The following HS6ST3 variants were observed in gnomAD, a reference collection of about 807,000 sequenced individuals.
HS6ST3 encodes heparan-sulfate 6-O-sulfotransferase 3.
A neutral mutation model predicts 36.7 loss-of-function variants in HS6ST3; 12 were observed. The ratio of observed to expected loss-of-function variants is 0.33; its 90% CI spans 0.21 to 0.53. The LOEUF (loss-of-function observed/expected upper bound fraction) is 0.53, where lower values mean the gene tolerates loss of function less well. Among genes scored for constraint, HS6ST3 ranks in the 20% least tolerant of loss-of-function variants. The pLI is 0.95. For synonymous variants in HS6ST3, 240 were observed against 257.5 expected, an observed-to-expected ratio of 0.93 and a Z score of 0.65; for missense variants, 584 against 640.9, an observed-to-expected ratio of 0.91 and a Z score of 0.96.
intron 1 of HS6ST3, among the ~76,000 whole-genome samples, chr13:96,401,794 G>A (rs958891029): frequency 4.6e-5 from 7 of 152,156 alleles, no homozygotes; most frequent in Middle Eastern, 3.4e-3. Flanking sequence ...GGCTGGTCTC[G>A]AACTCCTGAT....
intron 1 of HS6ST3, among the ~76,000 whole-genome samples, chr13:96,584,369 C>A (rs1157600404): frequency 7.2e-5 from 11 of 152,144 alleles, no homozygotes; most frequent in Non-Finnish European, 1.6e-4. Flanking sequence ...GTCTTGAACT[C>A]CTGATCTCAA....
intron 1 of HS6ST3, among the ~76,000 whole-genome samples, chr13:96,646,138 G>A (rs1052434595): frequency 1.3e-5 from 2 of 151,902 alleles, no homozygotes; most frequent in Non-Finnish European, 2.9e-5. Flanking sequence ...AAATAATGTC[G>A]CCATGTTATG....
intron 1 of HS6ST3, among the ~76,000 whole-genome samples, chr13:96,649,622 G>C (rs1028874681): frequency 6.6e-6 from 1 of 151,992 alleles, no homozygotes; most frequent in Non-Finnish European, 1.5e-5. Context: ...ACTTGATTCT[G>C]TCCACTTCCT....
chr13:96,223,658 G>T (rs982075739), intron 1 of HS6ST3, among the ~76,000 whole-genome samples: 11 of 152,090 alleles, frequency 7.2e-5, no homozygotes, highest in African/African-American at 2.4e-4. Flanking sequence ...GGATATGGGG[G>T]GGGGGAAGTT....
chr13:96,517,311 T>A (rs988745094), intron 1 of HS6ST3, among the ~76,000 whole-genome samples: 10 of 151,910 alleles, frequency 6.6e-5, no homozygotes, highest in African/African-American at 2.4e-4. Context: ...ATCTGGAAGG[T>A]TGAGGCTGCA....
intron 1 of HS6ST3, among the ~76,000 whole-genome samples, chr13:96,182,150 G>T (rs6492836): frequency 0.78 from 118,351 of 152,160 alleles, 46,248 homozygotes; most frequent in Non-Finnish European, 0.81. Flanking sequence ...GACTAGACCA[G>T]GCTGTTCATA....
chr13:96,255,611 A>AT (rs1481952689), intron 1 of HS6ST3, among the ~76,000 whole-genome samples: 2 of 152,108 alleles, frequency 1.3e-5, no homozygotes, highest in Non-Finnish European at 2.9e-5. Context: ...TCTGGTTGTG[A>AT]TTTTTTAGGA....
chr13:96,446,927 C>T lies in HS6ST3; in HGVS notation c.707+355358C>T, dbSNP rs1241549091. On this transcript the variant is annotated intron_variant, in intron 1 of 1. Coordinates refer to ENST00000376705, the MANE Select transcript of HS6ST3 (RefSeq NM_153456.4). ...CATTCTCTGGCCAGAAACCAGGAAG[C>T]GCACTCATTTCCACACCTCTTTTTC... Among the ~76,000 whole-genome samples the T allele has an allele frequency of 3.9e-5, 6 of 152,156 alleles. No individual in the cohort carries two copies. In the South Asian group the frequency reaches 1.0e-3, roughly 26 times the overall value.
At chr13:96,386,717 T>A (rs536148901) in intron 1 of HS6ST3, among the ~76,000 whole-genome samples, 1 of 151,968 alleles carries the variant, frequency 6.6e-6, no homozygotes, top group East Asian at 1.9e-4. Flanking sequence ...ATACAAAAAA[T>A]TAGCTGGGTG....
At chr13:96,404,120 A>G (rs1246122265) in intron 1 of HS6ST3, among the ~76,000 whole-genome samples, 1 of 152,222 alleles carries the variant, frequency 6.6e-6, no homozygotes, top group Non-Finnish European at 1.5e-5. Context: ...TAAAACATTT[A>G]TAAAAGTCCA....
intron 1 of HS6ST3, among the ~76,000 whole-genome samples, chr13:96,818,794 T>C (rs1350785645): frequency 1.3e-5 from 2 of 152,236 alleles, no homozygotes; most frequent in African/African-American, 4.8e-5. Flanking sequence ...ACTATCCTTC[T>C]TGGTCTTTTC....
At chr13:96,332,147 T>A (rs984832670) in intron 1 of HS6ST3, among the ~76,000 whole-genome samples, 2 of 152,312 alleles carry the variant, frequency 1.3e-5, no homozygotes, top group African/African-American at 4.8e-5. Context: ...GTCTTCTGTG[T>A]CGCTCGTGCT....
intron 1 of HS6ST3, among the ~76,000 whole-genome samples, chr13:96,769,775 C>T (rs552922637): frequency 0.078 from 10,213 of 130,134 alleles, 419 homozygotes; most frequent in Non-Finnish European, 0.11. Flanking sequence ...TGTGTGTGTG[C>T]GCACATATGT....
intron 1 of HS6ST3, among the ~76,000 whole-genome samples, chr13:96,488,071 T>C (rs983537364): frequency 5.3e-5 from 8 of 152,150 alleles, no homozygotes; most frequent in South Asian, 2.1e-4. Context: ...ATGTTTTTCT[T>C]TGCAAAATGT....
chr13:96,506,512 A>G (rs550995884), intron 1 of HS6ST3, among the ~76,000 whole-genome samples: 31 of 152,188 alleles, frequency 2.0e-4, no homozygotes, highest in Non-Finnish European at 3.2e-4. Flanking sequence ...TCTCTTAAAT[A>G]GGATAGGAAA....
intron 1 of HS6ST3, among the ~76,000 whole-genome samples, chr13:96,767,333 C>T (rs1877143345): frequency 1.3e-5 from 2 of 152,316 alleles, no homozygotes; most frequent in Non-Finnish European, 2.9e-5. Flanking sequence ...CCCACATATA[C>T]ACATGCACCC....
Position 96,215,327 on chromosome 13 carries a change from C to T in HS6ST3, c.707+123758C>T, listed in dbSNP as rs1032055427. 2.0e-5 allele frequency among the ~76,000 whole-genome samples: 3 copies of T among 152,128 alleles called. No individual in the cohort carries two copies. In the East Asian group the frequency reaches 5.8e-4, roughly 29 times the overall value. On this transcript the variant is annotated intron_variant, in intron 1 of 1. Transcript: ENST00000376705. Reference sequence around the variant, plus strand: ...GTAATTCTTGGTTGTTAATGGGTAACGAGACACAGCTTGGATAGCTTGGAG... The same window carrying T: ...GTAATTCTTGGTTGTTAATGGGTAATGAGACACAGCTTGGATAGCTTGGAG...
rs113634335 is a variant in HS6ST3, at chr13:96,578,663, G to A, written c.708-253827G>A. ...TCAACCTCTGCTTTCCGGGTCAAGC[G>A]GTTCTCCCACCTCAGCCTCCCAGGT... On this transcript the variant is annotated intron_variant, in intron 1 of 1. Transcript: ENST00000376705. 6.4e-3 allele frequency among the ~76,000 whole-genome samples: 968 copies of A among 152,176 alleles called. 12 individuals are homozygous for A. Among genetic ancestry groups the A allele is most frequent in the African/African-American group, 0.021 (887 of 41,516 alleles).
In HS6ST3 at chr13:96,545,860, G is replaced by A. The variant is rs192422943; in HGVS notation, c.708-286630G>A. ...AGGTAGAACGTTAGCTGGGAAACAGGAAGTAGAAAAAGCAGTCCACAAATG... is the reference window on the plus strand; with the variant it reads ...AGGTAGAACGTTAGCTGGGAAACAGAAAGTAGAAAAAGCAGTCCACAAATG... On this transcript the variant is annotated intron_variant, in intron 1 of 1. Transcript: ENST00000376705. 8.7e-4 allele frequency among the ~76,000 whole-genome samples: 132 copies of A among 152,184 alleles called. 1 individual carries two copies. Among genetic ancestry groups the A allele is most frequent in the South Asian group, 2.9e-3 (14 of 4,820 alleles).
Sources: allele counts gnomAD v4.1 joint callset (sites outside exome capture counted in the v4.1 genomes callset), GRCh38; gene constraint gnomAD v4.1.1; transcripts MANE v1.5; gene names NCBI Gene and HGNC (gene_info 2026-07-23, HGNC 2026-07-21).